KCNMB2: variants seen among roughly 807,000 people sequenced by gnomAD.
KCNMB2 encodes calcium-activated potassium channel subunit beta-2.
In KCNMB2, 9 loss-of-function variants were observed where a neutral mutation model predicts 24.5. The ratio of observed to expected loss-of-function variants is 0.37; its 90% CI spans 0.22 to 0.64. The LOEUF (loss-of-function observed/expected upper bound fraction) is 0.64. Among genes scored for constraint, KCNMB2 ranks in the 30% least tolerant of loss-of-function variants. The pLI is 0.63. For synonymous variants in KCNMB2, 109 were observed against 104.4 expected, an observed-to-expected ratio of 1.04 and a Z score of -0.27; for missense variants, 226 against 284.3, an observed-to-expected ratio of 0.79 and a Z score of 1.47.
intron 1 of KCNMB2, among the ~76,000 whole-genome samples, chr3:178,724,856 G>C (rs1032321574): frequency 3.3e-5 from 5 of 152,014 alleles, no homozygotes; most frequent in Non-Finnish European, 7.4e-5. Context: ...TCTTCCATTG[G>C]TCTATGTGTC....
At chr3:178,614,276 T>C (rs1391268840) in intron 1 of KCNMB2, among the ~76,000 whole-genome samples, 1 of 110,146 alleles carries the variant, frequency 9.1e-6, no homozygotes, top group African/African-American at 3.3e-5. Context: ...TATATATATA[T>C]ATATATATAT....
At chr3:178,714,815 ACTTT>A (rs141407433) in intron 1 of KCNMB2, among the ~76,000 whole-genome samples, 21,213 of 152,052 alleles carry the variant, frequency 0.14, 1,808 homozygotes, top group Non-Finnish European at 0.18. Flanking sequence ...GGCTGGGCCC[ACTTT>A]CTTAGACTTT....
At chr3:178,557,050 G>C (rs187129512) in intron 1 of KCNMB2, among the ~76,000 whole-genome samples, 157 of 152,302 alleles carry the variant, frequency 1.0e-3, no homozygotes, top group Non-Finnish European at 1.9e-3. Flanking sequence ...CAGTAAAATG[G>C]ATTAAAGCTG....
chr3:178,782,864 C>T (rs1156728290), intron 1 of KCNMB2, among the ~76,000 whole-genome samples: 1 of 151,532 alleles, frequency 6.6e-6, no homozygotes, highest in Non-Finnish European at 1.5e-5. Context: ...GAAGTCCTTG[C>T]CCATGCCTAT....
chr3:178,684,293 C>A (rs536182504), intron 1 of KCNMB2, among the ~76,000 whole-genome samples: 9 of 132,020 alleles, frequency 6.8e-5, no homozygotes, highest in Non-Finnish European at 4.6e-5. Flanking sequence ...TCTTTAAAAT[C>A]TCAAATATAG....
chr3:178,593,205 G>C (rs767963291), intron 1 of KCNMB2, among the ~76,000 whole-genome samples: 56 of 151,696 alleles, frequency 3.7e-4, no homozygotes, highest in Admixed American at 3.4e-3. Context: ...TATTCAACCT[G>C]GATTAACAGA....
intron 1 of KCNMB2, among the ~76,000 whole-genome samples, chr3:178,695,924 G>T (rs1053716549): frequency 3.9e-5 from 6 of 152,140 alleles, no homozygotes; most frequent in African/African-American, 1.4e-4. Context: ...CATTATAGCA[G>T]CACCCCATTC....
intron 2 of KCNMB2, among the ~76,000 whole-genome samples, chr3:178,814,987 T>C (rs1357480647): frequency 1.3e-5 from 2 of 152,070 alleles, no homozygotes; most frequent in Non-Finnish European, 2.9e-5. Context: ...AAGTCCCATT[T>C]GTCAATTTTT....
At chr3:178,822,387 T>C (rs1464365124) in intron 2 of KCNMB2, among the ~76,000 whole-genome samples, 1 of 152,230 alleles carries the variant, frequency 6.6e-6, no homozygotes, top group African/African-American at 2.4e-5. Context: ...TCCTTCCCTC[T>C]TCTCTATTCC....
intron 1 of KCNMB2, among the ~76,000 whole-genome samples, chr3:178,608,771 T>A (rs1718370677): frequency 6.6e-6 from 1 of 152,170 alleles, no homozygotes; most frequent in Non-Finnish European, 1.5e-5. Flanking sequence ...GAATATGCAG[T>A]TTGTCTTTCT....
intron 1 of KCNMB2, among the ~76,000 whole-genome samples, chr3:178,566,177 G>A (rs1051530941): frequency 1.3e-5 from 2 of 152,134 alleles, no homozygotes; most frequent in African/African-American, 4.8e-5. Flanking sequence ...AATGCTCAAG[G>A]CTGATCTGCT....
intron 1 of KCNMB2, among the ~76,000 whole-genome samples, chr3:178,592,470 A>G (rs1436082944): frequency 6.6e-6 from 1 of 151,958 alleles, no homozygotes; most frequent in East Asian, 1.9e-4. Context: ...TGTGTAATGC[A>G]TAAAAATCAG....
chr3:178,824,246 G>C (rs1341771834), intron 2 of KCNMB2, among the ~76,000 whole-genome samples: 3 of 152,078 alleles, frequency 2.0e-5, no homozygotes, highest in Non-Finnish European at 4.4e-5. Flanking sequence ...TTGCCATTTT[G>C]TCCATTAAAA....
chr3:178,743,633 C>T (rs1303204657), intron 1 of KCNMB2, among the ~76,000 whole-genome samples: 1 of 152,074 alleles, frequency 6.6e-6, no homozygotes, highest in Non-Finnish European at 1.5e-5. Context: ...GTGTTGATCA[C>T]AAAGTTCCTC....
chr3:178,581,118 ACTACAAGG>A (rs1717185086), intron 1 of KCNMB2, among the ~76,000 whole-genome samples: 1 of 152,178 alleles, frequency 6.6e-6, no homozygotes, highest in South Asian at 2.1e-4. Flanking sequence ...TTCAAACTAT[ACTACAAGG>A]CTACAGTAAA....
chr3:178,749,034 A>T (rs1723758323), intron 1 of KCNMB2: 1 of 152,206 alleles, frequency 6.6e-6, no homozygotes, highest in South Asian at 2.1e-4. Context: ...TTAATGGTTA[A>T]ATGCTGTTTA....
At chr3:178,823,203 A>C (rs540775840) in intron 2 of KCNMB2, among the ~76,000 whole-genome samples, 1 of 152,324 alleles carries the variant, frequency 6.6e-6, no homozygotes, top group South Asian at 2.1e-4. Flanking sequence ...AAAATCTCAA[A>C]AAAGAATGAA....
chr3:178,556,604 A>T (rs1215723191), intron 1 of KCNMB2, among the ~76,000 whole-genome samples: 1 of 152,084 alleles, frequency 6.6e-6, no homozygotes, highest in Non-Finnish European at 1.5e-5. Flanking sequence ...ATGGGGTTTC[A>T]CCATGTTGGT....
chr3:178,837,695 C>G (rs1275069024), intron 4 of KCNMB2, among the ~76,000 whole-genome samples: 7 of 152,200 alleles, frequency 4.6e-5, no homozygotes, highest in Non-Finnish European at 1.0e-4. Context: ...CACAATCAAT[C>G]AAGTATGGAC....
Sources: allele counts gnomAD v4.1 joint callset (sites outside exome capture counted in the v4.1 genomes callset), GRCh38; gene constraint gnomAD v4.1.1; transcripts MANE v1.5; gene names NCBI Gene and HGNC (gene_info 2026-07-23, HGNC 2026-07-21).